Variants in P2RX7 observed in about 807,000 individuals in gnomAD.
P2RX7 encodes the protein P2X purinoceptor 7.
P2RX7 carries 62 observed loss-of-function variants against 71.6 expected under a neutral mutation model. That is an observed-to-expected ratio of 0.87 (90% CI 0.71 to 1.07). The LOEUF (loss-of-function observed/expected upper bound fraction) is 1.07. Among genes scored for constraint, P2RX7 ranks in the 50% least tolerant of loss-of-function variants. The pLI is 0.00. For missense variants in P2RX7, 686 were observed against 748.5 expected (o/e 0.92, Z 0.97); for synonymous variants, 299 against 283.3 (o/e 1.06, Z -0.56).
intron 2 of P2RX7, chr12:121,155,481 C>G: frequency 9.9e-7 from 1 of 1,009,654 alleles, no homozygotes; most frequent in Non-Finnish European, 1.3e-6. Context: ...AAAATGAAAG[C>G]AGAATTGCCA....
chr12:121,166,908 C>T (rs750653713), intron 7 of P2RX7, among the ~76,000 whole-genome samples: 4 of 148,828 alleles, frequency 2.7e-5, no homozygotes, highest in Admixed American at 6.7e-5. Context: ...AAAAAATAGC[C>T]GGGCATGATT....
intron 4 of P2RX7, among the ~76,000 whole-genome samples, chr12:121,161,791 A>C (rs1317496451): frequency 2.8e-5 from 4 of 143,586 alleles, no homozygotes; most frequent in African/African-American, 1.0e-4. Context: ...GACCCCTTTA[A>C]AAAAAAAAAA....
chr12:121,150,518 C>T (rs560139552), intron 1 of P2RX7, among the ~76,000 whole-genome samples: 1 of 152,360 alleles, frequency 6.6e-6, no homozygotes, highest in East Asian at 1.9e-4. Flanking sequence ...TCATATTTGT[C>T]TATGGAATTC....
At position 121,177,228 on chromosome 12, in the gene P2RX7, T is replaced by C; in HGVS notation, c.1038+16T>C. ...CTTCGGTCTGGTAAGAGATTCTCTTTTCCATGCTTTAGGAAAATGGTTTGG... is the reference window on the plus strand; with the variant it reads ...CTTCGGTCTGGTAAGAGATTCTCTTCTCCATGCTTTAGGAAAATGGTTTGG... On this transcript the variant is annotated intron_variant, in intron 10 of 12. Transcript: ENST00000328963. 1 of 1,614,186 alleles carries C rather than the reference T, an allele frequency of 6.2e-7. No homozygotes were observed. The highest frequency in any genetic ancestry group is 8.5e-7 in the Non-Finnish European group (1 of 1,180,022).
Position 121,153,945 on chromosome 12 carries a change from C to G in P2RX7, c.126-840C>G, listed in dbSNP as rs117556439. 8.8e-3 allele frequency among the ~76,000 whole-genome samples: 1,332 copies of G among 152,118 alleles called. 20 individuals are homozygous for G. Among genetic ancestry groups the G allele is most frequent in the Admixed American group, 0.053 (802 of 15,276 alleles). On this transcript the variant is annotated intron_variant, in intron 1 of 12. Transcript: ENST00000328963. ...GACCAGCCTGGGCAACATAAAGAGA[C>G]CCCCGTCTCTATAAAAAATAATAAA...
rs1288800213 is a variant in P2RX7, at chr12:121,133,031, A to G, written c.61A>G (p.Ile21Val). ...FQYETNKVTRIQSMNYGTIKW... is the reference protein window; with the variant it reads ...FQYETNKVTRVQSMNYGTIKW... ...GTATGAGACGAACAAAGTCACTCGG[A>G]TCCAGAGCATGAATTATGGCACCAT... The change falls in exon 1 of 13, where the codon ATC becomes GTC. Residue 21 changes from isoleucine to valine, a missense_variant. By Grantham distance (29) the Ile-to-Val change is conservative. Transcript: ENST00000328963. 1 of 1,614,006 alleles carries G rather than the reference A, an allele frequency of 6.2e-7. No individual in the cohort carries two copies. Among genetic ancestry groups the G allele is most frequent in the African/African-American group, 1.3e-5 (1 of 74,978 alleles).
At chr12:121,147,273 C>T (rs1794950190) in intron 1 of P2RX7, among the ~76,000 whole-genome samples, 1 of 152,220 alleles carries the variant, frequency 6.6e-6, no homozygotes, top group Non-Finnish European at 1.5e-5. Flanking sequence ...ACCGTTTATT[C>T]AGCTATTAAG....
In P2RX7 at chr12:121,186,238, T is replaced by TA. The variant is rs1177156486; in HGVS notation, c.*1437dup. 5 of 152,096 alleles carry TA rather than the reference T, an allele frequency of 3.3e-5. No individual in the cohort carries two copies. The highest frequency in any genetic ancestry group is 7.3e-5 in the Non-Finnish European group (5 of 68,032). 9.4% of individuals were successfully genotyped at this position (152,096 alleles called of 1,614,324 possible). Reference sequence around the variant, plus strand: ...CTGGACTCCACTAACATATGACTGATACCGCATGATACATCCCAAGTGAGA... The same window carrying TA: ...CTGGACTCCACTAACATATGACTGATAACCGCATGATACATCCCAAGTGAGA... On this transcript the variant is annotated 3_prime_UTR_variant, in exon 13 of 13. Coordinates refer to ENST00000328963, the MANE Select transcript of P2RX7 (RefSeq NM_002562.6).
rs370710698 is a variant in P2RX7, at chr12:121,175,310, C to CAAAAAAAAAAAAAA, written c.882-72_882-59dup. On this transcript the variant is annotated intron_variant, in intron 8 of 12. Transcript: ENST00000328963. ...TGGGTGACAGCGTGAGACCCTGTCT[C>CAAAAAAAAAAAAAA]AAAAAAAAAAAAAAAAAAACCCAAA... 220 of 468,266 alleles carry CAAAAAAAAAAAAAA rather than the reference C, an allele frequency of 4.7e-4. 3 individuals are homozygous for CAAAAAAAAAAAAAA. The highest frequency in any genetic ancestry group is 3.3e-3 in the African/African-American group (89 of 27,350). The allele number at this position is 468,266 out of a possible 1,614,324, so 29.0% of individuals were successfully genotyped here.
Position 121,161,446 on chromosome 12 carries a change from T to A in P2RX7, c.436+472T>A, listed in dbSNP as rs113993434. The stretch of plus-strand genomic sequence containing the variant: ...GATTTTGATTTTATTTATATCTAAG[T>A]GCAGTGCTATTGCGATACCTGCAGA... On this transcript the variant is annotated intron_variant, in intron 4 of 12. Transcript: ENST00000328963. 2.3e-3 allele frequency among the ~76,000 whole-genome samples: 354 copies of A among 152,326 alleles called. 2 individuals are homozygous for A. The highest frequency in any genetic ancestry group is 7.9e-3 in the African/African-American group (330 of 41,570).
At position 121,166,086 on chromosome 12, in the gene P2RX7, AC is replaced by A. The variant is rs775837500; in HGVS notation, c.644del (p.Thr215IlefsTer17). On this transcript the variant is annotated frameshift_variant, in exon 7 of 13. Transcript: ENST00000328963. LOFTEE classifies it high-confidence loss of function. The part of the protein sequence containing the change: ...TRNILPGLNI[T>X]CTFHKTQNPQ... Reference sequence around the variant, plus strand: ...AAACATCCTGCCAGGTTTAAACATCACTTGTACCTTCCACAAGACTCAGAAT... The same window carrying A: ...AAACATCCTGCCAGGTTTAAACATCATTGTACCTTCCACAAGACTCAGAAT... 1 of 1,613,660 alleles carries A rather than the reference AC, an allele frequency of 6.2e-7. No individual in the cohort carries two copies. The highest frequency in any genetic ancestry group is 1.7e-5 in the Admixed American group (1 of 60,010).
At chr12:121,164,136 A>G (rs1880505848) in intron 5 of P2RX7, among the ~76,000 whole-genome samples, 2 of 152,210 alleles carry the variant, frequency 1.3e-5, no homozygotes, top group Admixed American at 6.5e-5. Context: ...CAGCTCTGCT[A>G]TCAACTCACT....
At chr12:121,153,002 G>A (rs954465966) in intron 1 of P2RX7, among the ~76,000 whole-genome samples, 5 of 152,212 alleles carry the variant, frequency 3.3e-5, no homozygotes, top group Admixed American at 3.3e-4. Context: ...GCTGGGCCAT[G>A]GGGAATGCTC....
Position 121,162,519 on chromosome 12 carries a change from C to T in P2RX7, c.532C>T (p.Arg178Trp), listed in dbSNP as rs199996415. The T allele has an allele frequency of 4.2e-5, 68 of 1,612,306 alleles. No homozygotes were observed. Among genetic ancestry groups the T allele is most frequent in the Middle Eastern group, 3.3e-4 (2 of 6,036 alleles). ...CPIEAVEEAP[R>W]PALLNSAENF... ...CATCGAGGCAGTGGAAGAGGCCCCC[C>T]GGTGAGTCGCATGGGGAGACAGACA... is the stretch of plus-strand genomic sequence containing the variant. Residue 178 changes from arginine to tryptophan, a missense_variant and splice_region_variant, in exon 5 of 13, where the codon CGG (arginine) becomes TGG (tryptophan). Coordinates refer to ENST00000328963, the MANE Select transcript of P2RX7 (RefSeq NM_002562.6).
Position 121,135,359 on chromosome 12 carries a change from A to AT in P2RX7, c.125+2271dup, listed in dbSNP as rs577625985. ...TCTCAAAATAATAATAATAGTAATA[A>AT]TTTTTTTGATTATATAATAGTATAT... On this transcript the variant is annotated intron_variant, in intron 1 of 12. Coordinates refer to ENST00000328963, the MANE Select transcript of P2RX7 (RefSeq NM_002562.6). 4.0e-5 allele frequency among the ~76,000 whole-genome samples: 6 copies of AT among 151,766 alleles called. No homozygotes were observed. In the South Asian group the frequency reaches 1.3e-3, roughly 32 times the overall value.
At chr12:121,158,216 T>C (rs1457027320) in intron 3 of P2RX7, among the ~76,000 whole-genome samples, 1 of 152,184 alleles carries the variant, frequency 6.6e-6, no homozygotes, top group Non-Finnish European at 1.5e-5. Context: ...ACCCTGATCA[T>C]GGTGGGCTTA....
At chr12:121,155,584 A>C (rs1214256648) in intron 2 of P2RX7, among the ~76,000 whole-genome samples, 1 of 152,074 alleles carries the variant, frequency 6.6e-6, no homozygotes, top group Non-Finnish European at 1.5e-5. Context: ...GGGGAGCTAA[A>C]ATGCTTTGCA....
intron 8 of P2RX7, among the ~76,000 whole-genome samples, 187 bp downstream of exon 8, chr12:121,167,811 T>C (rs576057430): frequency 2.0e-3 from 296 of 151,296 alleles, no homozygotes; most frequent in African/African-American, 7.0e-3. Flanking sequence ...TCTTTATTTT[T>C]TACTTATTTT....
chr12:121,137,374 T>G (rs1434547128), intron 1 of P2RX7, among the ~76,000 whole-genome samples: 1 of 152,180 alleles, frequency 6.6e-6, no homozygotes, highest in Non-Finnish European at 1.5e-5. Context: ...GCAAAATTGG[T>G]TCCAGCAGAC....
Sources: gnomAD v4.1 joint callset for allele counts (sites outside exome capture counted in the v4.1 genomes callset) on GRCh38, gnomAD v4.1.1 for gene constraint, MANE v1.5 for transcripts, NCBI Gene and HGNC (gene_info 2026-07-23, HGNC 2026-07-21) for gene names.